Variants in TUT7 observed in about 807,000 individuals in gnomAD.
TUT7 encodes terminal uridylyltransferase 7.
TUT7 carries 33 observed loss-of-function variants against 165.9 expected under a neutral mutation model. That is an observed-to-expected ratio of 0.20 (90% CI 0.15 to 0.27). The LOEUF (loss-of-function observed/expected upper bound fraction) is 0.27, where lower values mean the gene tolerates loss of function less well. Ranked by LOEUF, TUT7 falls within the 10% of genes least tolerant of loss-of-function variation. The pLI is 1.00. For synonymous variants in TUT7, 552 were observed against 608.1 expected (o/e 0.91, Z 1.36); for missense variants, 1,338 against 1,762.3 (o/e 0.76, Z 4.31).
chr9:86,346,521 T>C (rs369828152), intron 2 of TUT7, 41 bp from the exon 3 acceptor site: 35 of 1,585,240 alleles, frequency 2.2e-5, no homozygotes, highest in African/African-American at 5.4e-5. Context: ...TATTAAATAA[T>C]GCCACTCCTG....
chr9:86,330,171 C>T (rs1025647469), intron 10 of TUT7, among the ~76,000 whole-genome samples: 12 of 152,150 alleles, frequency 7.9e-5, no homozygotes, highest in African/African-American at 2.7e-4. Flanking sequence ...GATTCTCCTG[C>T]CCCAGCCTCC....
rs757807926 is a variant in TUT7 at position 86,309,920 on chromosome 9, A to C, written c.3468+8T>G. Reference sequence around the variant, plus strand: ...TTCCTGATAAGTCACAATAGGAAGCATACTCACCTTTGTAAATACTTTCAT... The same window carrying C: ...TTCCTGATAAGTCACAATAGGAAGCCTACTCACCTTTGTAAATACTTTCAT... On this transcript the variant is annotated splice_region_variant and intron_variant, in intron 19 of 26. Transcript: ENST00000375963. 6.2e-7 allele frequency: 1 copy of C among 1,609,934 alleles called. No homozygotes were observed. The highest frequency in any genetic ancestry group is 8.5e-7 in the Non-Finnish European group (1 of 1,176,656).
intron 3 of TUT7, 46 bp from the exon 4 acceptor site, chr9:86,345,831 A>C: frequency 7.6e-7 from 1 of 1,321,056 alleles, no homozygotes; most frequent in Non-Finnish European, 1.1e-6. Context: ...AAGTAAAACC[A>C]AACATTCAGA....
At position 86,301,616 on chromosome 9, in the gene TUT7, A is replaced by G; in HGVS notation, c.4095-15T>C. 6.3e-7 allele frequency: 1 copy of G among 1,584,746 alleles called. No individual in the cohort carries two copies. The highest frequency in any genetic ancestry group is 8.5e-7 in the Non-Finnish European group (1 of 1,170,498). On this transcript the variant is annotated splice_polypyrimidine_tract_variant and intron_variant, in intron 25 of 26. Transcript: ENST00000375963. ...GCCGTCTTACTCTGTAGAAGATATC[A>G]TATTAGTAGCAAAAATCTAAACAGA... is the stretch of plus-strand genomic sequence containing the variant.
At chr9:86,335,408 TG>T in intron 10 of TUT7, among the ~76,000 whole-genome samples, 1 of 152,192 alleles carries the variant, frequency 6.6e-6, no homozygotes, top group African/African-American at 2.4e-5. Flanking sequence ...GACAATAAAA[TG>T]GGAATTATGA....
At chr9:86,298,697 T>C in intron 26 of TUT7, 1 of 786,544 alleles carries the variant, frequency 1.3e-6, no homozygotes, top group Non-Finnish European at 1.5e-6. Context: ...AGAAAAAGTC[T>C]CAAAAGGCAT....
At chr9:86,315,745 CT>C (rs769468465) in intron 17 of TUT7, among the ~76,000 whole-genome samples, 23 of 133,894 alleles carry the variant, frequency 1.7e-4, no homozygotes, top group South Asian at 7.4e-4. Context: ...TATCAATGCA[CT>C]TTTTTTCTTT....
intron 25 of TUT7, 74 bp downstream of exon 25, chr9:86,303,012 T>G: frequency 8.9e-6 from 6 of 671,696 alleles, no homozygotes. Context: ...TTCTTTGTTA[T>G]AATAGTACCT....
At position 86,301,432 on chromosome 9, in the gene TUT7, G is replaced by T. The variant is rs148400661; in HGVS notation, c.4264C>A (p.Arg1422=). Residue 1422 remains arginine, a synonymous_variant, in exon 26 of 27, where the codon CGG becomes AGG. Coordinates refer to ENST00000375963, the MANE Select transcript of TUT7 (RefSeq NM_024617.4). The part of the protein sequence containing the change: ...QCTPQKAKPM[R]AAADLGREKI... ...TCCCTCCCCAGGTCAGCAGCTGCCCGCATTGGCTTGGCTTTCTGAGGTGTG... is the reference window on the plus strand; with the variant it reads ...TCCCTCCCCAGGTCAGCAGCTGCCCTCATTGGCTTGGCTTTCTGAGGTGTG... 16 of 1,613,972 alleles carry T rather than the reference G, an allele frequency of 9.9e-6. No homozygotes were observed. In the South Asian group the frequency reaches 1.5e-4, roughly 16 times the overall value.
chr9:86,352,716 G>C lies in TUT7; in HGVS notation c.484C>G (p.Leu162Val). Residue 162 changes from leucine (L) to valine (V), a missense_variant, in exon 2 of 27, where the codon CTA (leucine) becomes GTA (valine). Physicochemically the swap from Leu to Val is conservative, Grantham distance 32. Transcript: ENST00000375963. ...RRLFHKDLTS[L>V]ETTSEMEAGS... ...GCTTCCATTTCTGACGTGGTTTCTA[G>C]GCTTGTTAGGTCTTTATGAAACAGT... 6.2e-7 allele frequency: 1 copy of C among 1,614,186 alleles called. No individual in the cohort carries two copies. Among genetic ancestry groups the C allele is most frequent in the Non-Finnish European group, 8.5e-7 (1 of 1,180,028 alleles).
At chr9:86,336,615 G>C (rs914195595) in intron 10 of TUT7, among the ~76,000 whole-genome samples, 2 of 152,202 alleles carry the variant, frequency 1.3e-5, no homozygotes, top group Non-Finnish European at 2.9e-5. Context: ...AATGATGAGA[G>C]AAACTTGTGT....
At chr9:86,309,726 C>T in intron 19 of TUT7, 150 bp from the exon 20 acceptor site, 1 of 874,544 alleles carries the variant, frequency 1.1e-6, no homozygotes, top group South Asian at 1.6e-5. Flanking sequence ...CCTAGCAAAG[C>T]AGTGGACAGC....
At chr9:86,298,864 AAAGG>A in intron 26 of TUT7, 1 of 956,914 alleles carries the variant, frequency 1.0e-6, no homozygotes, top group Non-Finnish European at 1.2e-6. Context: ...TACAAAATCG[AAAGG>A]AAGAGCATCT....
chr9:86,306,877 T>A (rs1380631270), intron 22 of TUT7, among the ~76,000 whole-genome samples: 1 of 152,218 alleles, frequency 6.6e-6, no homozygotes, highest in East Asian at 1.9e-4. Context: ...TGATTATGAA[T>A]GAAGCCTTCT....
At chr9:86,319,316 T>C (rs1005149615) in intron 15 of TUT7, among the ~76,000 whole-genome samples, 29 of 152,188 alleles carry the variant, frequency 1.9e-4, no homozygotes, top group African/African-American at 7.0e-4. Context: ...TCAAGGAAAA[T>C]GTTAGATCAC....
intron 24 of TUT7, 150 bp from the exon 25 acceptor site, chr9:86,303,351 A>C: frequency 2.1e-6 from 1 of 482,894 alleles, no homozygotes; most frequent in East Asian, 3.2e-5. Flanking sequence ...TTCCAAACAA[A>C]ATCTAAGACC....
At chr9:86,315,340 G>A (rs1337280630) in intron 17 of TUT7, among the ~76,000 whole-genome samples, 2 of 152,112 alleles carry the variant, frequency 1.3e-5, no homozygotes, top group African/African-American at 2.4e-5. Context: ...TTTTAACATC[G>A]TTCCTTCTTA....
At chr9:86,308,078 C>T (rs570666059) in intron 22 of TUT7, among the ~76,000 whole-genome samples, 4 of 152,238 alleles carry the variant, frequency 2.6e-5, no homozygotes, top group South Asian at 4.2e-4. Flanking sequence ...TATAGGTGAA[C>T]TCCATCAATA....
Position 86,353,077 on chromosome 9 carries a change from T to C in TUT7, c.123A>G (p.Lys41=), listed in dbSNP as rs1186206491. 6.2e-7 allele frequency: 1 copy of C among 1,614,062 alleles called. No individual in the cohort carries two copies. Among genetic ancestry groups the C allele is most frequent in the Non-Finnish European group, 8.5e-7 (1 of 1,180,038 alleles). ...CCTTTTCCATTTTACTGCCATGGCC[T>C]TTAGCATGGTCATCTATTATTAAAT... ...QDYLIIDDHA[K]GHGSKMEKGL... Residue 41 remains lysine, a synonymous_variant, in exon 2 of 27, where the codon AAA becomes AAG. Coordinates refer to ENST00000375963, the MANE Select transcript of TUT7 (RefSeq NM_024617.4).
Sources: allele counts gnomAD v4.1 joint callset (sites outside exome capture counted in the v4.1 genomes callset), GRCh38; gene constraint gnomAD v4.1.1; transcripts MANE v1.5; gene names NCBI Gene and HGNC (gene_info 2026-07-23, HGNC 2026-07-21).